PDZD2: variants seen among roughly 807,000 people sequenced by gnomAD.
PDZD2 encodes the protein PDZ domain containing 2, also known as PDZ domain-containing protein 2.
Under a neutral mutation model 220.7 loss-of-function variants are expected in PDZD2, and 90 were observed. The ratio of observed to expected loss-of-function variants is 0.41; its 90% confidence interval spans 0.34 to 0.49. The LOEUF (loss-of-function observed/expected upper bound fraction) is 0.49. Ranked by LOEUF, PDZD2 falls within the 20% of genes least tolerant of loss-of-function variation. The pLI is 0.28. For missense variants in PDZD2, 3,174 were observed against 3,608.5 expected (o/e 0.88, Z 3.08); for synonymous variants, 1,375 against 1,450.5 (o/e 0.95, Z 1.18).
At chr5:31,888,790 C>T (rs1279340635) in intron 2 of PDZD2, among the ~76,000 whole-genome samples, 1 of 152,140 alleles carries the variant, frequency 6.6e-6, no homozygotes, top group Non-Finnish European at 1.5e-5. Flanking sequence ...AGTTGGAAAT[C>T]TTTGATAAAT....
Position 31,734,539 on chromosome 5 carries a change from G to A in PDZD2, c.-360-64350G>A, listed in dbSNP as rs145610804. On this transcript the variant is annotated intron_variant, in intron 1 of 24. Coordinates refer to ENST00000438447, the MANE Select transcript of PDZD2 (RefSeq NM_178140.4). ...TCACCATGTTGGCCAGGCTGGTCTC[G>A]AACTCGTGACCTCAGGTGATCCACC... Among the ~76,000 whole-genome samples, 516 of 152,222 alleles carry A rather than the reference G, an allele frequency of 3.4e-3. 5 individuals carry two copies. The East Asian group carries it at 0.043, about 13-fold the overall frequency.
intron 2 of PDZD2, among the ~76,000 whole-genome samples, chr5:31,920,522 AAAGT>A (rs1265655798): frequency 0.23 from 2,649 of 11,364 alleles, 47 homozygotes; most frequent in Admixed American, 0.29. Flanking sequence ...AAAAAAAAAA[AAAGT>A]CCAGGCACTC....
At chr5:31,867,777 G>A (rs1314977941) in intron 2 of PDZD2, among the ~76,000 whole-genome samples, 1 of 151,656 alleles carries the variant, frequency 6.6e-6, no homozygotes, top group Non-Finnish European at 1.5e-5. Flanking sequence ...CGCCCTCCAC[G>A]TGTTATATTC....
rs776607775 is a variant in PDZD2 at position 31,695,868 on chromosome 5, T to C, written c.-361+56431T>C. Among the ~76,000 whole-genome samples, 6 of 152,202 alleles carry C rather than the reference T, an allele frequency of 3.9e-5. No homozygotes were observed. The South Asian group carries it at 1.2e-3, about 32-fold the overall frequency. Reference sequence around the variant, plus strand: ...TCAGAAGCCTTTGGGGAAGGGTGTCTGTTTTTCTGAAGACATGGCGAGGGA... The same window carrying C: ...TCAGAAGCCTTTGGGGAAGGGTGTCCGTTTTTCTGAAGACATGGCGAGGGA... On this transcript the variant is annotated intron_variant, in intron 1 of 24. Transcript: ENST00000438447.
chr5:31,837,707 A>G (rs1486002736), intron 2 of PDZD2, among the ~76,000 whole-genome samples: 4 of 150,986 alleles, frequency 2.6e-5, no homozygotes, highest in Non-Finnish European at 4.4e-5. Flanking sequence ...CTGGGTGACA[A>G]GAGTGAGACT....
In PDZD2 at chr5:32,074,585, A is replaced by G; in HGVS notation, c.3479A>G (p.Gln1160Arg). The change falls in exon 18 of 25, where the codon CAG becomes CGG. Residue 1160 changes from glutamine to arginine, a missense_variant. Transcript: ENST00000438447. ...NDPCDLDSRV[Q>R]ATSVKVTVAG... ...CCATGCGATCTGGACTCGAGAGTCC[A>G]GGCCACTTCTGTCAAAGTGACTGTC... The G allele has an allele frequency of 6.2e-7, 1 of 1,613,334 alleles. No homozygotes were observed. The highest frequency in any genetic ancestry group is 8.5e-7 in the Non-Finnish European group (1 of 1,179,758).
intron 1 of PDZD2, among the ~76,000 whole-genome samples, chr5:31,793,810 A>T (rs562923383): frequency 6.6e-6 from 1 of 152,298 alleles, no homozygotes; most frequent in South Asian, 2.1e-4. Flanking sequence ...GTCTCAAAAA[A>T]TTTTTAAAAA....
At chr5:32,082,302 A>G (rs1164686357) in intron 19 of PDZD2, among the ~76,000 whole-genome samples, 6 of 152,132 alleles carry the variant, frequency 3.9e-5, no homozygotes, top group African/African-American at 1.2e-4. Context: ...GATTACAGGC[A>G]TAAGCCGCTG....
intron 9 of PDZD2, 131 bp from the exon 10 acceptor site, chr5:32,053,638 C>G: frequency 1.6e-6 from 1 of 641,448 alleles, no homozygotes; most frequent in Non-Finnish European, 2.9e-6. Context: ...AACTCCAGGC[C>G]TGGTTAGGGA....
chr5:31,949,582 C>G (rs1746988408), intron 2 of PDZD2, among the ~76,000 whole-genome samples: 1 of 152,052 alleles, frequency 6.6e-6, no homozygotes, highest in African/African-American at 2.4e-5. Flanking sequence ...ATCCCATACC[C>G]CATCCTCCAC....
In PDZD2 at chr5:32,108,140, T is replaced by A. The variant is rs374356941; in HGVS notation, c.*5T>A. On this transcript the variant is annotated 3_prime_UTR_variant, in exon 25 of 25. Coordinates refer to ENST00000438447, the MANE Select transcript of PDZD2 (RefSeq NM_178140.4). ...AAGCATAGGAATTCTTCATGAATTT[T>A]AACAAGAATCATTTTCTCAGTTCTC... 1.5e-5 allele frequency: 23 copies of A among 1,572,814 alleles called. No homozygotes were observed. Among genetic ancestry groups the A allele is most frequent in the Non-Finnish European group, 1.8e-5 (21 of 1,152,382 alleles).
chr5:32,069,615 A>G lies in PDZD2; in HGVS notation c.2498A>G (p.Gln833Arg). 6.3e-7 allele frequency: 1 copy of G among 1,595,052 alleles called. No individual in the cohort carries two copies. Among genetic ancestry groups the G allele is most frequent in the Non-Finnish European group, 8.6e-7 (1 of 1,162,522 alleles). Residue 833 changes from glutamine (Q) to arginine (R), a missense_variant, in exon 15 of 25, where the codon CAG (glutamine) becomes CGG (arginine). This residue lies in a region of PDZD2 where 1,861 missense variants were observed against 2,001.0 expected (regional missense o/e 0.93). Coordinates refer to ENST00000438447, the MANE Select transcript of PDZD2 (RefSeq NM_178140.4). Reference sequence around the variant, plus strand: ...GAAGTCATAGCACGCAGCACTTATCAGGAGAGCAAAGAGGCCAATTCCTCT... The same window carrying G: ...GAAGTCATAGCACGCAGCACTTATCGGGAGAGCAAAGAGGCCAATTCCTCT... Reference protein sequence around the residue: ...MDEVIARSTYQESKEANSSPG... With the variant: ...MDEVIARSTYRESKEANSSPG...
intron 2 of PDZD2, chr5:31,908,330 C>T (rs1453038178): frequency 7.6e-6 from 2 of 262,192 alleles, no homozygotes; most frequent in African/African-American, 4.5e-5. Flanking sequence ...CGCCACTGGT[C>T]GTCTCCCTTT....
At chr5:31,943,674 C>T (rs901801360) in intron 2 of PDZD2, among the ~76,000 whole-genome samples, 7 of 152,194 alleles carry the variant, frequency 4.6e-5, no homozygotes, top group Non-Finnish European at 1.0e-4. Context: ...CAAATGCAGT[C>T]GCTATCAGAG....
chr5:32,008,136 A>AAAATAAAT (rs141877198), intron 5 of PDZD2, among the ~76,000 whole-genome samples: 5,905 of 143,872 alleles, frequency 0.041, 143 homozygotes, highest in Middle Eastern at 0.061. Context: ...TAAAATAATA[A>AAAATAAAT]AAATAAATAA....
intron 5 of PDZD2, among the ~76,000 whole-genome samples, chr5:32,003,817 T>C (rs1212608756): frequency 6.6e-6 from 1 of 152,202 alleles, no homozygotes; most frequent in Non-Finnish European, 1.5e-5. Context: ...GTTCAAGCGA[T>C]TCTCCTGCCT....
chr5:31,760,930 T>TAATA (rs1004059774), intron 1 of PDZD2, among the ~76,000 whole-genome samples: 1 of 151,870 alleles, frequency 6.6e-6, no homozygotes, highest in Non-Finnish European at 1.5e-5. Context: ...CTCAAAAAAA[T>TAATA]AATAAATAAA....
At chr5:31,792,331 G>A (rs989795461) in intron 1 of PDZD2, among the ~76,000 whole-genome samples, 7 of 152,296 alleles carry the variant, frequency 4.6e-5, no homozygotes, top group African/African-American at 1.4e-4. Context: ...AAGTCCAATG[G>A]GTCTGGGTTC....
chr5:31,877,955 C>T (rs1396911958), intron 2 of PDZD2, among the ~76,000 whole-genome samples: 1 of 152,080 alleles, frequency 6.6e-6, no homozygotes, highest in Non-Finnish European at 1.5e-5. Context: ...TCCCAAAGTG[C>T]TGGGATTACA....
Sources: allele counts gnomAD v4.1 joint callset (sites outside exome capture counted in the v4.1 genomes callset), GRCh38; gene constraint gnomAD v4.1.1; regional missense constraint gnomAD v4.1.1; transcripts MANE v1.5; gene names NCBI Gene and HGNC (gene_info 2026-07-23, HGNC 2026-07-21).